The following SLC9A4 variants were observed in gnomAD, a reference collection of about 807,000 sequenced individuals.
SLC9A4 encodes sodium/hydrogen exchanger 4.
Under a neutral mutation model 67.4 loss-of-function variants are expected in SLC9A4, and 63 were observed. The observed-to-expected ratio is 0.93, with a 90% CI of 0.76 to 1.15. The LOEUF is 1.15. Ranked by LOEUF, SLC9A4 falls within the 50% of genes most tolerant of loss-of-function variation. SLC9A4 has a pLI of 0.00. For synonymous variants in SLC9A4, 393 were observed against 367.2 expected (o/e 1.07, Z -0.80); for missense variants, 1,089 against 987.7 (o/e 1.10, Z -1.38).
intron 9 of SLC9A4, among the ~76,000 whole-genome samples, chr2:102,523,917 A>G (rs183381522): frequency 8.5e-5 from 13 of 152,318 alleles, no homozygotes; most frequent in East Asian, 3.9e-4. Context: ...GACTCATCTC[A>G]GTACACTGAA....
intron 1 of SLC9A4, among the ~76,000 whole-genome samples, chr2:102,474,908 G>A (rs759356659): frequency 6.6e-6 from 1 of 152,168 alleles, no homozygotes; most frequent in Non-Finnish European, 1.5e-5. Context: ...TTATTTATAT[G>A]TGTATGTTTT....
intron 2 of SLC9A4, among the ~76,000 whole-genome samples, chr2:102,488,548 CTTTTT>C (rs5833020): frequency 1.6e-5 from 2 of 124,006 alleles, no homozygotes. Context: ...AATCTAATTC[CTTTTT>C]TTTTTTTTTT....
chr2:102,482,353 T>C (rs745526652), intron 2 of SLC9A4, among the ~76,000 whole-genome samples: 4 of 152,172 alleles, frequency 2.6e-5, no homozygotes, highest in Non-Finnish European at 5.9e-5. Context: ...TTGAGAACTA[T>C]GGATTTATTG....
At chr2:102,476,011 G>A (rs1419061167) in intron 1 of SLC9A4, among the ~76,000 whole-genome samples, 6 of 152,168 alleles carry the variant, frequency 3.9e-5, no homozygotes, top group Non-Finnish European at 8.8e-5. Context: ...CATGAAATAT[G>A]TGGAAATGAC....
chr2:102,510,704 C>G (rs1252765253), intron 6 of SLC9A4, among the ~76,000 whole-genome samples: 1 of 152,156 alleles, frequency 6.6e-6, no homozygotes, highest in African/African-American at 2.4e-5. Context: ...CTAAAATCAC[C>G]GTTCCAATGA....
At chr2:102,527,281 A>G (rs1224146375) in intron 11 of SLC9A4, among the ~76,000 whole-genome samples, 4 of 152,152 alleles carry the variant, frequency 2.6e-5, no homozygotes, top group African/African-American at 2.4e-5. Flanking sequence ...AAAAAATCAC[A>G]AAAACATTGC....
In SLC9A4 at chr2:102,532,523, C is replaced by T; in HGVS notation, c.2232C>T (p.Ala744=). ...EEYLGGVRRV[A]LRPKPLFHAV... is the part of the protein sequence containing the mutation. ...ACTTGGGTGGAGTAAGGAGGGTGGC[C>T]TTAAGACCCAAACCTCTGTTTCATG... The change falls in exon 12 of 12, where the codon GCC becomes GCT. Residue 744 remains alanine, a synonymous_variant. Coordinates refer to ENST00000295269, the MANE Select transcript of SLC9A4 (RefSeq NM_001011552.4). The T allele has an allele frequency of 2.5e-6, 4 of 1,614,064 alleles. No individual in the cohort carries two copies. The highest frequency in any genetic ancestry group is 3.4e-6 in the Non-Finnish European group (4 of 1,179,982).
intron 2 of SLC9A4, among the ~76,000 whole-genome samples, chr2:102,484,821 G>A (rs1269528835): frequency 6.6e-6 from 1 of 152,168 alleles, no homozygotes; most frequent in East Asian, 1.9e-4. Flanking sequence ...AACCCAAGCA[G>A]CCTGACTCCA....
rs1268332054 is a variant in SLC9A4 at position 102,533,483 on chromosome 2, C to G, written c.*795C>G. 1 of 149,860 alleles carries G rather than the reference C, an allele frequency of 6.7e-6. No individual in the cohort carries two copies. Among genetic ancestry groups the G allele is most frequent in the Non-Finnish European group, 1.5e-5 (1 of 67,776 alleles). The allele number at this position is 149,860 out of a possible 1,614,324, so 9.3% of individuals were successfully genotyped here. On this transcript the variant is annotated 3_prime_UTR_variant, in exon 12 of 12. Coordinates refer to ENST00000295269, the MANE Select transcript of SLC9A4 (RefSeq NM_001011552.4). The stretch of plus-strand genomic sequence containing the variant: ...TACCCTAGGGTATAAAACTATTTTT[C>G]TTTTATTATTATTATTATTATTATT...
Position 102,518,434 on chromosome 2 carries a change from T to A in SLC9A4, c.1722-1425T>A, listed in dbSNP as rs141223216. Among the ~76,000 whole-genome samples the A allele has an allele frequency of 4.7e-4, 71 of 152,332 alleles. 1 individual carries two copies. In the East Asian group the frequency reaches 0.011, roughly 24 times the overall value. ...CATATCTAAATCAGAATAAATGTTA[T>A]GTGAAGGACATTTAAACAGTTAGGT... On this transcript the variant is annotated intron_variant, in intron 8 of 11. Transcript: ENST00000295269.
chr2:102,489,498 C>T (rs1410337500), intron 2 of SLC9A4, among the ~76,000 whole-genome samples: 2 of 152,178 alleles, frequency 1.3e-5, no homozygotes, highest in Non-Finnish European at 2.9e-5. Context: ...CTCCATCTTT[C>T]TTCAAGTTCA....
chr2:102,491,284 A>ATTTT (rs1378202658), intron 2 of SLC9A4, among the ~76,000 whole-genome samples: 1 of 86,084 alleles, frequency 1.2e-5, no homozygotes, highest in Non-Finnish European at 2.6e-5. Flanking sequence ...TTTCAACTGA[A>ATTTT]TTTTTTTATT....
At chr2:102,524,324 A>C (rs1674613621) in intron 9 of SLC9A4, among the ~76,000 whole-genome samples, 1 of 152,164 alleles carries the variant, frequency 6.6e-6, no homozygotes, top group South Asian at 2.1e-4. Context: ...ACCAGGAGGG[A>C]GAAGAAATTT....
chr2:102,502,906 G>A (rs1684971706), intron 2 of SLC9A4, among the ~76,000 whole-genome samples: 1 of 152,220 alleles, frequency 6.6e-6, no homozygotes, highest in South Asian at 2.1e-4. Flanking sequence ...GTTATCACCA[G>A]GCCAAAGCCG....
In SLC9A4 at chr2:102,505,393, A is replaced by G. The variant is rs201827808; in HGVS notation, c.1120A>G (p.Thr374Ala). ...GATCTTCATCTTCATGGGTGTGTCC[A>G]CTGTGGGCAAGAATCACGAGTGGAA... ...TLIFIFMGVS[T>A]VGKNHEWNWA... The change falls in exon 4 of 12, where the codon ACT (threonine) becomes GCT (alanine). Residue 374 changes from threonine (T) to alanine (A), a missense_variant. Coordinates refer to ENST00000295269, the MANE Select transcript of SLC9A4 (RefSeq NM_001011552.4). 1 of 1,614,228 alleles carries G rather than the reference A, an allele frequency of 6.2e-7. No individual in the cohort carries two copies. Among genetic ancestry groups the G allele is most frequent in the Non-Finnish European group, 8.5e-7 (1 of 1,180,032 alleles).
chr2:102,473,997 G>C lies in SLC9A4; in HGVS notation c.238G>C (p.Ala80Pro). The C allele has an allele frequency of 6.2e-7, 1 of 1,613,334 alleles. No individual in the cohort carries two copies. The change falls in exon 1 of 12, where the codon GCA (alanine) becomes CCA (proline). Residue 80 changes from alanine to proline, a missense_variant. Transcript: ENST00000295269. ...PYEVTLWILL[A>P]SLAKIGFHLY... is the part of the protein sequence containing the mutation. ...TGAGGTCACTCTCTGGATACTTCTA[G>C]CATCCCTTGCAAAAATAGGTAAGTC...
chr2:102,530,356 C>G (rs562865363), intron 11 of SLC9A4, among the ~76,000 whole-genome samples: 6 of 152,314 alleles, frequency 3.9e-5, no homozygotes, highest in African/African-American at 1.4e-4. Flanking sequence ...ATCCACTGCT[C>G]TGCCTGGAAC....
intron 10 of SLC9A4, 82 bp downstream of exon 10, chr2:102,525,237 C>T (rs1674638530): frequency 7.0e-6 from 11 of 1,576,140 alleles, no homozygotes; most frequent in Non-Finnish European, 7.8e-6. Context: ...TACAGGATCT[C>T]ACATGCATGA....
chr2:102,510,763 T>C (rs756561340), intron 6 of SLC9A4, among the ~76,000 whole-genome samples: 1 of 152,120 alleles, frequency 6.6e-6, no homozygotes, highest in Non-Finnish European at 1.5e-5. Context: ...CAAAGGGTAT[T>C]ACTTCTTTTG....
Sources: gnomAD v4.1 joint callset for allele counts (sites outside exome capture counted in the v4.1 genomes callset) on GRCh38, gnomAD v4.1.1 for gene constraint, MANE v1.5 for transcripts, NCBI Gene and HGNC (gene_info 2026-07-23, HGNC 2026-07-21) for gene names.